CCDC73: variants seen among roughly 807,000 people sequenced by gnomAD.
CCDC73 encodes coiled-coil domain containing 73.
Under a neutral mutation model 116.5 loss-of-function variants are expected in CCDC73, and 95 were observed. That is an observed-to-expected ratio of 0.82 (90% confidence interval 0.69 to 0.97). The LOEUF (loss-of-function observed/expected upper bound fraction) is 0.97, where lower values mean the gene tolerates loss of function less well. Among genes scored for constraint, CCDC73 ranks in the 50% least tolerant of loss-of-function variants. CCDC73 has a pLI of 0.00. For synonymous variants in CCDC73, 398 were observed against 401.3 expected (o/e 0.99, Z 0.10); for missense variants, 1,066 against 1,206.8 (o/e 0.88, Z 1.73).
intron 5 of CCDC73, 69 bp from the exon 6 acceptor site, chr11:32,699,394 G>C: frequency 7.3e-7 from 1 of 1,361,908 alleles, no homozygotes; most frequent in South Asian, 1.5e-5. Flanking sequence ...AAATATAAGA[G>C]CTCAAGAACC....
intron 1 of CCDC73, among the ~76,000 whole-genome samples, chr11:32,768,032 T>C (rs1590638510): frequency 1.3e-5 from 2 of 152,356 alleles, no homozygotes; most frequent in African/African-American, 2.4e-5. Context: ...CGTATGGTTA[T>C]TGCGGCACTA....
chr11:32,714,045 G>A (rs1338618990), intron 3 of CCDC73, among the ~76,000 whole-genome samples: 1 of 152,060 alleles, frequency 6.6e-6, no homozygotes, highest in Non-Finnish European at 1.5e-5. Flanking sequence ...ACTTGATTTT[G>A]TGTTTCCAAC....
At chr11:32,763,939 C>T (rs1031092432) in intron 1 of CCDC73, among the ~76,000 whole-genome samples, 1 of 152,170 alleles carries the variant, frequency 6.6e-6, no homozygotes, top group Non-Finnish European at 1.5e-5. Flanking sequence ...GAGCTGAAAA[C>T]CATGGCACGA....
At chr11:32,669,478 A>C (rs1257138293) in intron 9 of CCDC73, among the ~76,000 whole-genome samples, 1 of 152,102 alleles carries the variant, frequency 6.6e-6, no homozygotes, top group African/African-American at 2.4e-5. Context: ...TCCAATTACT[A>C]TTTAGTTATT....
intron 2 of CCDC73, among the ~76,000 whole-genome samples, chr11:32,759,811 A>G (rs1002632405): frequency 1.3e-5 from 2 of 152,214 alleles, no homozygotes; most frequent in Non-Finnish European, 2.9e-5. Flanking sequence ...TTCATCAGCC[A>G]TGTGTCTAAA....
At chr11:32,790,775 G>A (rs1590649743) in intron 1 of CCDC73, among the ~76,000 whole-genome samples, 3 of 151,940 alleles carry the variant, frequency 2.0e-5, no homozygotes, top group African/African-American at 4.8e-5. Flanking sequence ...TATTATCTCC[G>A]TAAAGATCAT....
At chr11:32,737,882 C>CTCTA (rs748911415) in intron 2 of CCDC73, among the ~76,000 whole-genome samples, 17 of 152,038 alleles carry the variant, frequency 1.1e-4, no homozygotes, top group Non-Finnish European at 2.1e-4. Flanking sequence ...TCATTCTACT[C>CTCTA]TCTATCTCCA....
intron 6 of CCDC73, among the ~76,000 whole-genome samples, chr11:32,698,851 G>T (rs1418265254): frequency 1.3e-5 from 2 of 152,010 alleles, no homozygotes; most frequent in African/African-American, 2.4e-5. Context: ...TAAGGGCAAA[G>T]GTAATGTTTT....
intron 14 of CCDC73, 120 bp from the exon 15 acceptor site, chr11:32,616,249 A>C: frequency 9.8e-7 from 1 of 1,018,278 alleles, no homozygotes; most frequent in Non-Finnish European, 1.4e-6. Flanking sequence ...TTCTATTTGA[A>C]AGTCAAATGA....
At chr11:32,786,563 A>G (rs1850631361) in intron 1 of CCDC73, among the ~76,000 whole-genome samples, 1 of 148,960 alleles carries the variant, frequency 6.7e-6, no homozygotes, top group African/African-American at 2.4e-5. Flanking sequence ...ATAATATTAT[A>G]AAATGCTTAA....
At chr11:32,661,808 A>G (rs1356487064) in intron 9 of CCDC73, among the ~76,000 whole-genome samples, 2 of 148,178 alleles carry the variant, frequency 1.3e-5, no homozygotes, top group African/African-American at 2.5e-5. Context: ...AGCATTAGAT[A>G]TATCTCCTAA....
chr11:32,669,310 A>G (rs1237741020), intron 9 of CCDC73, among the ~76,000 whole-genome samples: 1 of 152,178 alleles, frequency 6.6e-6, no homozygotes, highest in East Asian at 1.9e-4. Flanking sequence ...TTTTATGCTC[A>G]ACTGATTTTT....
At chr11:32,777,537 T>C (rs777952461) in intron 1 of CCDC73, among the ~76,000 whole-genome samples, 8 of 152,194 alleles carry the variant, frequency 5.3e-5, no homozygotes, top group Non-Finnish European at 1.0e-4. Context: ...AGGCTTACAA[T>C]AGATTTTTAG....
At chr11:32,678,333 A>C (rs1856110317) in intron 7 of CCDC73, among the ~76,000 whole-genome samples, 1 of 152,178 alleles carries the variant, frequency 6.6e-6, no homozygotes, top group South Asian at 2.1e-4. Context: ...ACAGTGGTCA[A>C]AAGCTAGTCT....
At chr11:32,704,541 C>A (rs988772270) in intron 3 of CCDC73, among the ~76,000 whole-genome samples, 1 of 152,154 alleles carries the variant, frequency 6.6e-6, no homozygotes, top group Non-Finnish European at 1.5e-5. Flanking sequence ...CCCACAGGTG[C>A]CCCTTGGGAT....
chr11:32,819,230 C>G, the CCDC73 span, among the ~76,000 whole-genome samples: 1 of 151,188 alleles, frequency 6.6e-6, no homozygotes, highest in African/African-American at 2.4e-5. Context: ...TTTGAGTAAC[C>G]TCTGTTATTC....
At chr11:32,814,753 A>G in the CCDC73 span, among the ~76,000 whole-genome samples, 1 of 152,254 alleles carries the variant, frequency 6.6e-6, no homozygotes, top group Non-Finnish European at 1.5e-5. Context: ...ATTATTCATA[A>G]TAGTCAAAAA....
chr11:32,709,523 C>G (rs1849881644), intron 3 of CCDC73, among the ~76,000 whole-genome samples: 1 of 152,196 alleles, frequency 6.6e-6, no homozygotes, highest in Admixed American at 6.5e-5. Flanking sequence ...TCTTGATCTC[C>G]TGACCTCAGG....
chr11:32,655,709 A>G (rs569227731), intron 9 of CCDC73, among the ~76,000 whole-genome samples: 29 of 152,338 alleles, frequency 1.9e-4, no homozygotes, highest in African/African-American at 6.5e-4. Context: ...TATACTATAA[A>G]ACAAAATGGG....
Sources: gnomAD v4.1 joint callset for allele counts (sites outside exome capture counted in the v4.1 genomes callset) on GRCh38, gnomAD v4.1.1 for gene constraint, MANE v1.5 for transcripts, NCBI Gene and HGNC (gene_info 2026-07-23, HGNC 2026-07-21) for gene names.